ANKFN1: variants seen among roughly 807,000 people sequenced by gnomAD.
ANKFN1 encodes ankyrin repeat and fibronectin type-III domain-containing protein 1.
In ANKFN1, 74 loss-of-function variants were observed where a neutral mutation model predicts 108.7. The ratio of observed to expected loss-of-function variants is 0.68; its 90% CI spans 0.56 to 0.83. ANKFN1 has a LOEUF of 0.83. Ranked by LOEUF, ANKFN1 falls within the 40% of genes least tolerant of loss-of-function variation. ANKFN1 has a pLI of 0.00. For missense variants in ANKFN1, 1,505 were observed against 1,382.3 expected (o/e 1.09, Z -1.41); for synonymous variants, 547 against 516.2 (o/e 1.06, Z -0.81).
At chr17:56,461,945 C>T (rs1429507606) in intron 14 of ANKFN1, among the ~76,000 whole-genome samples, 3 of 152,132 alleles carry the variant, frequency 2.0e-5, no homozygotes, top group South Asian at 2.1e-4. Flanking sequence ...GATAGCTCTC[C>T]GGTCCTGCAC....
At chr17:56,422,221 T>G (rs1190714689) in intron 8 of ANKFN1, among the ~76,000 whole-genome samples, 3 of 152,212 alleles carry the variant, frequency 2.0e-5, no homozygotes, top group African/African-American at 7.2e-5. Context: ...TGCTAACGCA[T>G]GGTACTTATA....
At chr17:56,466,246 GCAAA>G (rs1358755084) in intron 14 of ANKFN1, 106 bp from the exon 15 acceptor site, 1 of 982,510 alleles carries the variant, frequency 1.0e-6, no homozygotes, top group Non-Finnish European at 1.5e-6. Flanking sequence ...AAAAAAGAGA[GCAAA>G]CAGCTTCTCA....
At chr17:56,217,704 A>G (rs1458078746) in intron 2 of ANKFN1, among the ~76,000 whole-genome samples, 1 of 150,882 alleles carries the variant, frequency 6.6e-6, no homozygotes, top group Admixed American at 6.6e-5. Flanking sequence ...GTTATGAGTA[A>G]GTTCATCTCC....
At chr17:56,276,998 A>G (rs2043952119) in intron 3 of ANKFN1, among the ~76,000 whole-genome samples, 2 of 152,190 alleles carry the variant, frequency 1.3e-5, no homozygotes, top group African/African-American at 2.4e-5. Context: ...TTCTTAAACA[A>G]AAGTGTACTC....
chr17:56,076,482 C>T (rs1205401464), intron 4 of ANKFN1, among the ~76,000 whole-genome samples: 3 of 152,106 alleles, frequency 2.0e-5, no homozygotes, highest in Non-Finnish European at 2.9e-5. Flanking sequence ...TTATAATTAC[C>T]CTCACTTAGT....
chr17:56,133,791 T>C (rs1302336600), intron 4 of ANKFN1, among the ~76,000 whole-genome samples: 1 of 151,892 alleles, frequency 6.6e-6, no homozygotes, highest in Non-Finnish European at 1.5e-5. Flanking sequence ...AAAGTGTTTT[T>C]TTTTTCCACT....
chr17:56,072,338 G>T (rs901839694), intron 4 of ANKFN1, among the ~76,000 whole-genome samples: 7 of 151,860 alleles, frequency 4.6e-5, no homozygotes, highest in African/African-American at 1.5e-4. Flanking sequence ...GTATAAGAAG[G>T]CACACATAGT....
intron 3 of ANKFN1, among the ~76,000 whole-genome samples, chr17:56,269,906 C>T (rs28378819): frequency 0.061 from 9,209 of 152,174 alleles, 302 homozygotes; most frequent in South Asian, 0.11. Flanking sequence ...CCTTGTGTTT[C>T]ATTTTTAAAC....
chr17:56,476,297 G>A (rs1314813544), intron 15 of ANKFN1, among the ~76,000 whole-genome samples: 1 of 152,156 alleles, frequency 6.6e-6, no homozygotes, highest in Non-Finnish European at 1.5e-5. Context: ...GTGGAGGGAT[G>A]GTATCTGAAT....
intron 8 of ANKFN1, among the ~76,000 whole-genome samples, chr17:56,401,379 TTGTGTTGTGTTG>T (rs2047761085): frequency 3.6e-5 from 1 of 27,816 alleles, no homozygotes; most frequent in Non-Finnish European, 1.3e-4. Flanking sequence ...TTGTGTTGTG[TTGTGTTGTGTTG>T]TGTTGTGTTG....
chr17:56,134,619 G>T (rs1022726254), intron 4 of ANKFN1, among the ~76,000 whole-genome samples: 1 of 152,156 alleles, frequency 6.6e-6, no homozygotes, highest in Non-Finnish European at 1.5e-5. Flanking sequence ...TCAGGAAATT[G>T]CAAGGGTTTT....
At chr17:56,204,619 G>A (rs1370297772) in intron 1 of ANKFN1, among the ~76,000 whole-genome samples, 2 of 152,148 alleles carry the variant, frequency 1.3e-5, no homozygotes, top group South Asian at 2.1e-4. Flanking sequence ...GGGATTACAG[G>A]CACAAGTCAC....
chr17:56,073,018 A>C (rs1433795013), intron 4 of ANKFN1, among the ~76,000 whole-genome samples: 1 of 150,502 alleles, frequency 6.6e-6, no homozygotes, highest in Non-Finnish European at 1.5e-5. Context: ...TTTGAGACGG[A>C]GTCTCGCTCT....
chr17:56,475,089 A>T (rs2050453914), intron 15 of ANKFN1, among the ~76,000 whole-genome samples: 1 of 152,164 alleles, frequency 6.6e-6, no homozygotes, highest in Non-Finnish European at 1.5e-5. Flanking sequence ...CATGTTGTGT[A>T]CCTATTTTAT....
chr17:56,285,515 A>T (rs1338186512), intron 3 of ANKFN1, among the ~76,000 whole-genome samples: 1 of 152,134 alleles, frequency 6.6e-6, no homozygotes, highest in Non-Finnish European at 1.5e-5. Context: ...ATGTAGATGC[A>T]ATTCACCCTC....
chr17:56,454,288 G>T (rs890077400), intron 11 of ANKFN1, among the ~76,000 whole-genome samples: 1 of 152,052 alleles, frequency 6.6e-6, no homozygotes, highest in Non-Finnish European at 1.5e-5. Flanking sequence ...AATTGCCAAT[G>T]CTCTCTTTTG....
chr17:56,176,058 G>T (rs560070533), intron 1 of ANKFN1, among the ~76,000 whole-genome samples: 5 of 151,992 alleles, frequency 3.3e-5, no homozygotes, highest in African/African-American at 7.3e-5. Context: ...TGACATGAAG[G>T]GGGGTACTGG....
intron 3 of ANKFN1, among the ~76,000 whole-genome samples, chr17:56,240,045 CTA>C (rs1485587968): frequency 6.6e-6 from 1 of 152,026 alleles, no homozygotes; most frequent in Non-Finnish European, 1.5e-5. Flanking sequence ...TAATGAGTAA[CTA>C]TGTTTTGTCA....
intron 18 of ANKFN1, among the ~76,000 whole-genome samples, chr17:56,488,167 CA>C (rs2050913564): frequency 6.6e-6 from 1 of 152,152 alleles, no homozygotes; most frequent in African/African-American, 2.4e-5. Flanking sequence ...ACAAATAAAT[CA>C]GGCTGACACT....
Sources: allele counts gnomAD v4.1 joint callset (sites outside exome capture counted in the v4.1 genomes callset), GRCh38; gene constraint gnomAD v4.1.1; transcripts MANE v1.5; gene names NCBI Gene and HGNC (gene_info 2026-07-23, HGNC 2026-07-21).